The following MYH16 variants were observed in gnomAD, a reference collection of about 807,000 sequenced individuals.
The protein encoded by MYH16 is myosin heavy chain 16, also known as putative uncharacterized protein MYH16.
intron 29 of MYH16, among the ~76,000 whole-genome samples, chr7:99,288,826 C>T (rs1160521502): frequency 2.0e-5 from 3 of 148,894 alleles, no homozygotes; most frequent in Non-Finnish European, 3.0e-5. Context: ...CATAAGAGTG[C>T]TCAATAAGCC....
exon 41 of MYH16, chr7:99,305,899 C>T (rs1175108917): frequency 1.3e-5 from 2 of 152,836 alleles, no homozygotes; most frequent in African/African-American, 4.8e-5. Flanking sequence ...AGTCAAGACA[C>T]TGTGTAAGAA....
chr7:99,302,820 G>A (rs950021626), intron 38 of MYH16, among the ~76,000 whole-genome samples: 7 of 151,392 alleles, frequency 4.6e-5, no homozygotes, highest in South Asian at 2.1e-4. Context: ...GATTGAGGCC[G>A]CAGTGAGCTG....
At chr7:99,273,817 G>A (rs1265210090) in intron 20 of MYH16, among the ~76,000 whole-genome samples, 2 of 151,162 alleles carry the variant, frequency 1.3e-5, no homozygotes, top group Non-Finnish European at 2.9e-5. Context: ...AAGGAAGACA[G>A]AGAGGAAAGG....
intron 1 of MYH16, among the ~76,000 whole-genome samples, chr7:99,240,239 C>T (rs1791651619): frequency 2.0e-5 from 3 of 151,898 alleles, no homozygotes; most frequent in South Asian, 4.2e-4. Context: ...GTGTACGTTG[C>T]AAAAATAGCA....
At chr7:99,297,979 G>T (rs920333179) in exon 36 of MYH16, 3 of 456,584 alleles carry the variant, frequency 6.6e-6, no homozygotes, top group East Asian at 6.9e-5. Flanking sequence ...GAAAGAAGAA[G>T]AATTTGAGGC....
chr7:99,302,881 TAAA>T (rs1219533053), intron 38 of MYH16, among the ~76,000 whole-genome samples, 181 bp from the exon 20 acceptor site: 1 of 105,372 alleles, frequency 9.5e-6, no homozygotes, highest in Non-Finnish European at 2.0e-5. Flanking sequence ...AGATCCTGCC[TAAA>T]AAAAAAAAAA....
intron 32 of MYH16, among the ~76,000 whole-genome samples, chr7:99,293,402 T>C (rs1792421215): frequency 6.6e-6 from 1 of 152,180 alleles, no homozygotes; most frequent in Non-Finnish European, 1.5e-5. Flanking sequence ...TAAATTTGCC[T>C]TCCTGCAACT....
At chr7:99,302,317 TACACACACACACACACACACACACACAC>T in intron 38 of MYH16, among the ~76,000 whole-genome samples, 1 of 95,562 alleles carries the variant, frequency 1.0e-5, no homozygotes, top group South Asian at 3.8e-4. Flanking sequence ...AAAAAATATA[TACACACACACACACACACACACACACAC>T]ACACACACAC....
intron 39 of MYH16, among the ~76,000 whole-genome samples, chr7:99,303,480 G>A (rs910555066): frequency 3.9e-5 from 6 of 152,262 alleles, no homozygotes; most frequent in Admixed American, 1.3e-4. Context: ...GTTCATCTGG[G>A]CAGCCTTTTT....
intron 33 of MYH16, among the ~76,000 whole-genome samples, chr7:99,295,154 G>A (rs1454473129): frequency 1.3e-5 from 2 of 151,926 alleles, no homozygotes; most frequent in East Asian, 1.9e-4. Context: ...CGAGGCAGGC[G>A]GATTGCCTGA....
intron 39 of MYH16, among the ~76,000 whole-genome samples, chr7:99,303,568 A>G (rs1339756051): frequency 6.6e-6 from 1 of 152,244 alleles, no homozygotes; most frequent in Non-Finnish European, 1.5e-5. Flanking sequence ...TGGGAGGCCA[A>G]GGCAGCAGGA....
At chr7:99,286,611 C>T (rs1792281637) in intron 28 of MYH16, 1 of 152,220 alleles carries the variant, frequency 6.6e-6, no homozygotes. Context: ...GGGATCAAGA[C>T]CAGTTCGTTC....
intron 23 of MYH16, among the ~76,000 whole-genome samples, chr7:99,282,134 TGCCTCA>T (rs1421902911): frequency 6.6e-6 from 1 of 152,068 alleles, no homozygotes; most frequent in African/African-American, 2.4e-5. Flanking sequence ...GTGATTCTCC[TGCCTCA>T]GCCTCCCAAG....
At chr7:99,266,640 C>T (rs1020231969) in intron 17 of MYH16, among the ~76,000 whole-genome samples, 5 of 152,202 alleles carry the variant, frequency 3.3e-5, no homozygotes, top group African/African-American at 1.2e-4. Flanking sequence ...CCTCCCTGTA[C>T]CCCCAACCCA....
At chr7:99,255,311 G>A (rs768738359) in intron 8 of MYH16, among the ~76,000 whole-genome samples, 2 of 151,986 alleles carry the variant, frequency 1.3e-5, no homozygotes, top group African/African-American at 4.8e-5. Flanking sequence ...AATTAGCCAG[G>A]TGTGGTGGTG....
chr7:99,243,840 T>C (rs1341836412), intron 2 of MYH16, among the ~76,000 whole-genome samples: 2 of 151,780 alleles, frequency 1.3e-5, no homozygotes, highest in Non-Finnish European at 2.9e-5. Context: ...CATTCGTTCA[T>C]CCATCCATCC....
chr7:99,270,609 G>A (rs1430256845), intron 18 of MYH16, among the ~76,000 whole-genome samples: 9 of 151,146 alleles, frequency 6.0e-5, no homozygotes, highest in African/African-American at 1.5e-4. Context: ...GAGCCACTGC[G>A]CCCAGCCGAA....
At chr7:99,277,039 CACAG>C (rs751328330) in intron 20 of MYH16, among the ~76,000 whole-genome samples, 96 of 116,518 alleles carry the variant, frequency 8.2e-4, no homozygotes, top group Non-Finnish European at 1.3e-3. Flanking sequence ...ATGAGAGAGA[CACAG>C]AGAGAGAGAG....
chr7:99,286,669 A>C (rs759383283), intron 28 of MYH16: 3 of 152,084 alleles, frequency 2.0e-5, no homozygotes, highest in Non-Finnish European at 4.4e-5. Context: ...CTAATAATTT[A>C]AAAATGAGGC....
Sources: allele counts gnomAD v4.1 joint callset (sites outside exome capture counted in the v4.1 genomes callset), GRCh38; gene constraint gnomAD v4.1.1; transcripts MANE v1.5; gene names NCBI Gene and HGNC (gene_info 2026-07-23, HGNC 2026-07-21).